SIN3B: variants seen among roughly 807,000 people sequenced by gnomAD.
SIN3B encodes paired amphipathic helix protein Sin3b.
A neutral mutation model predicts 120.2 loss-of-function variants in SIN3B; 19 were observed. The ratio of observed to expected loss-of-function variants is 0.16; its 90% CI spans 0.11 to 0.23. The LOEUF is 0.23. Among genes scored for constraint, SIN3B ranks in the 10% least tolerant of loss-of-function variants. The pLI, the probability that SIN3B is intolerant of heterozygous loss-of-function variation, is 1.00. For missense variants in SIN3B, 1,073 were observed against 1,573.0 expected (o/e 0.68, Z 5.38); for synonymous variants, 654 against 653.2 (o/e 1.00, Z -0.02).
chr19:16,847,477 TG>T (rs1654067418), intron 5 of SIN3B, among the ~76,000 whole-genome samples: 1 of 152,252 alleles, frequency 6.6e-6, no homozygotes, highest in Non-Finnish European at 1.5e-5. Flanking sequence ...GCAGGAGGGC[TG>T]GGTCCACAAT....
In SIN3B at chr19:16,854,020, T is replaced by C; in HGVS notation, c.940-123T>C. On this transcript the variant is annotated intron_variant, in intron 7 of 18. Coordinates refer to ENST00000248054, the MANE Select transcript of SIN3B (RefSeq NM_001297595.2). ...GGCTGTGTGAATTGCAGCACAGATATCATTTACTTATAGACACAGTTGGTT... is the reference window on the plus strand; with the variant it reads ...GGCTGTGTGAATTGCAGCACAGATACCATTTACTTATAGACACAGTTGGTT... 3 of 669,440 alleles carry C rather than the reference T, an allele frequency of 4.5e-6. No individual in the cohort carries two copies. The South Asian group carries it at 5.5e-5, about 12-fold the overall frequency. 41.5% of individuals were successfully genotyped at this position (669,440 alleles called of 1,614,324 possible). A position where few individuals can be genotyped will look rare whatever the true frequency, so the allele number is the denominator to read the frequency against.
Position 16,863,682 on chromosome 19 carries a change from A to G in SIN3B, c.1269A>G (p.Val423=). The G allele has an allele frequency of 6.2e-7, 1 of 1,607,002 alleles. No individual in the cohort carries two copies. The highest frequency in any genetic ancestry group is 8.5e-7 in the Non-Finnish European group (1 of 1,173,444). ...CSGRTAICKE[V]LNDTWVSFPS... ...CACGGCATTTCCTCTTGGTGCAGGT[A>G]CTGAACGACACCTGGGTCTCCTTCC... The change falls in exon 10 of 19, where the codon GTA becomes GTG. Residue 423 remains valine (V), a splice_region_variant and synonymous_variant. Transcript: ENST00000248054.
Position 16,877,531 on chromosome 19 carries a change from C to G in SIN3B, c.2860-14C>G. 1 of 1,590,000 alleles carries G rather than the reference C, an allele frequency of 6.3e-7. No individual in the cohort carries two copies. Among genetic ancestry groups the G allele is most frequent in the Non-Finnish European group, 8.6e-7 (1 of 1,166,336 alleles). The stretch of plus-strand genomic sequence containing the variant: ...TGTAGGGGCATCACGGGCTGTGTCT[C>G]TCCCTGTCCCCAGCACCTGGCTCGG... On this transcript the variant is annotated splice_polypyrimidine_tract_variant and intron_variant, in intron 16 of 18. Coordinates refer to ENST00000248054, the MANE Select transcript of SIN3B (RefSeq NM_001297595.2).
At chr19:16,859,781 A>G (rs1327473717) in intron 8 of SIN3B, among the ~76,000 whole-genome samples, 2 of 152,096 alleles carry the variant, frequency 1.3e-5, no homozygotes. Flanking sequence ...CTGGGCTTAG[A>G]ATCCAGCACT....
intron 12 of SIN3B, among the ~76,000 whole-genome samples, chr19:16,868,383 G>A (rs1355042029): frequency 6.6e-6 from 1 of 152,142 alleles, no homozygotes; most frequent in Non-Finnish European, 1.5e-5. Flanking sequence ...TGGCATCCAC[G>A]CTCATTTTCC....
In SIN3B at chr19:16,831,654, C is replaced by G. The variant is rs1971280129; in HGVS notation, c.381+7C>G. 1 of 1,613,408 alleles carries G rather than the reference C, an allele frequency of 6.2e-7. No individual in the cohort carries two copies. The highest frequency in any genetic ancestry group is 8.5e-7 in the Non-Finnish European group (1 of 1,179,612). ...GTCGCCTCTGACAAGCCAGGTATGCCACTACAGTGGTTCGGGTGATCTCAG... is the reference window on the plus strand; with the variant it reads ...GTCGCCTCTGACAAGCCAGGTATGCGACTACAGTGGTTCGGGTGATCTCAG... On this transcript the variant is annotated splice_region_variant and intron_variant, in intron 3 of 18. Transcript: ENST00000248054.
At chr19:16,834,459 G>A (rs556521649) in intron 3 of SIN3B, among the ~76,000 whole-genome samples, 6 of 152,316 alleles carry the variant, frequency 3.9e-5, no homozygotes, top group Admixed American at 2.0e-4. Flanking sequence ...GTCCCCAACC[G>A]TGGAGGGCTG....
At position 16,869,575 on chromosome 19, in the gene SIN3B, T is replaced by C. The variant is rs758507003; in HGVS notation, c.1922T>C (p.Val641Ala). 2 of 1,613,722 alleles carry C rather than the reference T, an allele frequency of 1.2e-6. No homozygotes were observed. The highest frequency in any genetic ancestry group is 1.7e-6 in the Non-Finnish European group (2 of 1,180,024). The change falls in exon 13 of 19, where the codon GTG (valine) becomes GCG (alanine). Residue 641 changes from valine (V) to alanine (A), a missense_variant. Physicochemically the swap from Val to Ala is moderately conservative, Grantham distance 64. Transcript: ENST00000248054. ...EDAAALISYY[V>A]KRQPAIQKED... ...GCAGCAGCGCTCATCAGCTACTACG[T>C]GAAGCGGCAGCCGGCCATCCAGAAG...
At chr19:16,837,402 G>A (rs537747555) in intron 3 of SIN3B, among the ~76,000 whole-genome samples, 2 of 151,790 alleles carry the variant, frequency 1.3e-5, no homozygotes, top group Non-Finnish European at 2.9e-5. Context: ...GGTCCCAAGT[G>A]ATGGGAACAG....
chr19:16,875,717 C>CTGGTT (rs202198046), intron 14 of SIN3B, among the ~76,000 whole-genome samples: 1 of 141,704 alleles, frequency 7.1e-6, no homozygotes, highest in Non-Finnish European at 1.5e-5. Context: ...CTGGTCTGGT[C>CTGGTT]TGGTTTGGTC....
At position 16,876,508 on chromosome 19, in the gene SIN3B, G is replaced by T. The variant is rs752342974; in HGVS notation, c.2789G>T (p.Gly930Val). The change falls in exon 16 of 19, where the codon GGG becomes GTG. Residue 930 changes from glycine to valine, a missense_variant. By Grantham distance (109) the Gly-to-Val change is moderately radical (BLOSUM62 -3). This residue lies in a region of SIN3B where 311 missense variants were observed against 400.3 expected (regional missense o/e 0.78). Transcript: ENST00000248054. This position sits in a 1 kb window ranked among gnomAD's most constrained non-coding sequence, Gnocchi z 7.1. ...CAGGTGATGTTCCTGCAGCGCAAAG[G>T]GCAGGTGATCATGACCATCGAGCTC... is the stretch of plus-strand genomic sequence containing the variant. ...CFKVMFLQRK[G>V]QVIMTIELLD... is the part of the protein sequence containing the mutation. 1.5e-5 allele frequency: 25 copies of T among 1,613,396 alleles called. No homozygotes were observed. In the Admixed American group the frequency reaches 4.0e-4, roughly 26 times the overall value.
In SIN3B at chr19:16,854,157, G is replaced by A. The variant is rs1971581969; in HGVS notation, c.954G>A (p.Leu318=). The change falls in exon 8 of 19, where the codon CTG becomes CTA. Residue 318 remains leucine, a synonymous_variant. Transcript: ENST00000248054. Reference sequence around the variant, plus strand: ...TCTCTCTGCAGGTCCGCCGGGTGCTGAAGAGCCAGGAGGTGTATGAAAACT... The same window carrying A: ...TCTCTCTGCAGGTCCGCCGGGTGCTAAAGAGCCAGGAGGTGTATGAAAACT... ...FSFFDKVRRV[L]KSQEVYENFL... is the part of the protein sequence containing the mutation. 2 of 1,611,882 alleles carry A rather than the reference G, an allele frequency of 1.2e-6. No individual in the cohort carries two copies. Among genetic ancestry groups the A allele is most frequent in the Admixed American group, 3.3e-5 (2 of 59,964 alleles).
chr19:16,839,990 C>G (rs1971396733), intron 3 of SIN3B, among the ~76,000 whole-genome samples: 1 of 152,118 alleles, frequency 6.6e-6, no homozygotes, highest in Non-Finnish European at 1.5e-5. Flanking sequence ...GGAGACAGAG[C>G]AAGACTCCAT....
At chr19:16,834,474 T>A (rs576455701) in intron 3 of SIN3B, among the ~76,000 whole-genome samples, 1 of 152,276 alleles carries the variant, frequency 6.6e-6, no homozygotes, top group Non-Finnish European at 1.5e-5. Context: ...GGGCTGGCAG[T>A]CTTGTCTCCC....
chr19:16,859,327 T>C (rs1481545303), intron 8 of SIN3B, among the ~76,000 whole-genome samples: 1 of 145,724 alleles, frequency 6.9e-6, no homozygotes, highest in African/African-American at 2.6e-5. Flanking sequence ...TCGGTGTGTA[T>C]TTTTTTTTTT....
At chr19:16,859,209 C>T (rs1971655752) in intron 8 of SIN3B, among the ~76,000 whole-genome samples, 1 of 152,174 alleles carries the variant, frequency 6.6e-6, no homozygotes, top group African/African-American at 2.4e-5. Context: ...CTAGGACAAG[C>T]ACTCATAGGT....
intron 13 of SIN3B, 60 bp from the exon 14 acceptor site, chr19:16,871,169 T>G (rs1050345272): frequency 1.2e-6 from 2 of 1,604,988 alleles, no homozygotes; most frequent in Non-Finnish European, 1.7e-6. Flanking sequence ...TGCCAGAGTT[T>G]GGCCTGCGTG....
chr19:16,830,129 A>T (rs1464721055), intron 2 of SIN3B, among the ~76,000 whole-genome samples: 2 of 152,218 alleles, frequency 1.3e-5, no homozygotes, highest in African/African-American at 2.4e-5. Flanking sequence ...GGGGGGAGGC[A>T]GGGAGGGCGA....
chr19:16,851,833 C>A (rs1399388977), intron 6 of SIN3B, among the ~76,000 whole-genome samples: 1 of 152,232 alleles, frequency 6.6e-6, no homozygotes, highest in Admixed American at 6.5e-5. Context: ...CCTCAGGACT[C>A]TCTCACAGGC....
Sources: allele counts gnomAD v4.1 joint callset (sites outside exome capture counted in the v4.1 genomes callset), GRCh38; gene constraint gnomAD v4.1.1; regional missense constraint gnomAD v4.1.1; non-coding constraint Gnocchi (gnomAD v3.1); transcripts MANE v1.5; gene names NCBI Gene and HGNC (gene_info 2026-07-23, HGNC 2026-07-21).